The following RAPGEF5 variants were observed in gnomAD, a reference collection of about 807,000 sequenced individuals.
RAPGEF5 encodes the protein Rap guanine nucleotide exchange factor 5, also known as M-Ras-regulated GEF.
Under a neutral mutation model 125.2 loss-of-function variants are expected in RAPGEF5, and 65 were observed. That is an observed-to-expected ratio of 0.52 (90% confidence interval 0.43 to 0.64). The LOEUF is 0.64. Among genes scored for constraint, RAPGEF5 ranks in the 30% least tolerant of loss-of-function variants. RAPGEF5 has a pLI of 0.00. For synonymous variants in RAPGEF5, 391 were observed against 385.9 expected (o/e 1.01, Z -0.16); for missense variants, 958 against 1,048.1 (o/e 0.91, Z 1.19).
At chr7:22,337,964 T>C (rs751511684) in intron 1 of RAPGEF5, among the ~76,000 whole-genome samples, 1 of 152,250 alleles carries the variant, frequency 6.6e-6, no homozygotes, top group Non-Finnish European at 1.5e-5. Context: ...CTAACCCTGA[T>C]TGTTATTTTA....
chr7:22,162,290 A>T, intron 13 of RAPGEF5, 107 bp downstream of exon 13: 1 of 1,190,990 alleles, frequency 8.4e-7, no homozygotes, highest in South Asian at 1.6e-5. Context: ...CTTGACTATC[A>T]CAAGAAAGCT....
intron 10 of RAPGEF5, 181 bp downstream of exon 10, chr7:22,193,734 C>T: frequency 6.4e-7 from 1 of 1,557,582 alleles, no homozygotes; most frequent in Non-Finnish European, 8.7e-7. Flanking sequence ...TCACTGGGAA[C>T]TGAGTCCATC....
intron 12 of RAPGEF5, among the ~76,000 whole-genome samples, chr7:22,164,275 G>A (rs1357783801): frequency 2.0e-5 from 3 of 152,098 alleles, no homozygotes; most frequent in African/African-American, 7.2e-5. Flanking sequence ...AGGTTGCAGC[G>A]AGCCATGATC....
intron 7 of RAPGEF5, among the ~76,000 whole-genome samples, chr7:22,251,750 G>A (rs1786625225): frequency 8.7e-6 from 1 of 114,866 alleles, no homozygotes; most frequent in Non-Finnish European, 1.6e-5. Context: ...CATGAAAGTT[G>A]AGCCCTGCCA....
chr7:22,241,716 CT>C (rs561539460), intron 7 of RAPGEF5, among the ~76,000 whole-genome samples: 130 of 152,122 alleles, frequency 8.5e-4, no homozygotes, highest in African/African-American at 1.1e-3. Context: ...TGGTGATATG[CT>C]TTTTTGCATT....
At chr7:22,317,239 TTTC>T (rs1414780382) in intron 2 of RAPGEF5, among the ~76,000 whole-genome samples, 1 of 146,148 alleles carries the variant, frequency 6.8e-6, no homozygotes, top group Non-Finnish European at 1.5e-5. Context: ...CAACTTTTTT[TTTC>T]TTTTTTTTTT....
chr7:22,345,629 A>G (rs1331170017), intron 1 of RAPGEF5, among the ~76,000 whole-genome samples: 1 of 151,678 alleles, frequency 6.6e-6, no homozygotes, highest in Non-Finnish European at 1.5e-5. Context: ...ACACAACTGC[A>G]GTTGGGCTTT....
At chr7:22,311,170 T>A (rs547432034) in intron 3 of RAPGEF5, among the ~76,000 whole-genome samples, 1 of 152,058 alleles carries the variant, frequency 6.6e-6, no homozygotes, top group Non-Finnish European at 1.5e-5. Flanking sequence ...GGAGTACAGG[T>A]GCTCACCACT....
chr7:22,262,276 A>G (rs1483410677), intron 7 of RAPGEF5, among the ~76,000 whole-genome samples: 2 of 152,226 alleles, frequency 1.3e-5, no homozygotes, highest in African/African-American at 4.8e-5. Flanking sequence ...ACAATTCACC[A>G]AAAACAACAT....
chr7:22,188,038 C>T (rs1037934508), intron 11 of RAPGEF5, among the ~76,000 whole-genome samples: 1 of 152,206 alleles, frequency 6.6e-6, no homozygotes, highest in African/African-American at 2.4e-5. Context: ...CTGTTTATTA[C>T]ATGACCTTAC....
chr7:22,286,025 T>C (rs1782787935), intron 6 of RAPGEF5, among the ~76,000 whole-genome samples: 1 of 152,226 alleles, frequency 6.6e-6, no homozygotes, highest in African/African-American at 2.4e-5. Context: ...GAGTATCAAG[T>C]GTTTTTCTCA....
intron 1 of RAPGEF5, among the ~76,000 whole-genome samples, chr7:22,319,914 G>A (rs1277125954): frequency 6.6e-6 from 1 of 151,520 alleles, no homozygotes; most frequent in Non-Finnish European, 1.5e-5. Context: ...TGCCTTCCTG[G>A]CCATTGCCAA....
At chr7:22,341,065 G>A (rs984511893) in intron 1 of RAPGEF5, among the ~76,000 whole-genome samples, 1 of 151,758 alleles carries the variant, frequency 6.6e-6, no homozygotes, top group Admixed American at 6.6e-5. Context: ...AGAAAACCCA[G>A]TGTATTACTC....
intron 1 of RAPGEF5, among the ~76,000 whole-genome samples, chr7:22,323,948 T>C (rs1234649056): frequency 6.6e-6 from 1 of 152,106 alleles, no homozygotes; most frequent in East Asian, 1.9e-4. Flanking sequence ...TAGTAATAAA[T>C]GTTGCAGGCA....
intron 9 of RAPGEF5, among the ~76,000 whole-genome samples, chr7:22,207,336 T>G (rs7810806): frequency 0.91 from 138,980 of 152,230 alleles, 63,469 homozygotes; most frequent in East Asian, 0.99. Flanking sequence ...ATAAACTTAG[T>G]TAAAGATTTT....
intron 6 of RAPGEF5, among the ~76,000 whole-genome samples, chr7:22,270,953 T>C (rs1383577820): frequency 6.6e-6 from 1 of 152,222 alleles, no homozygotes; most frequent in Non-Finnish European, 1.5e-5. Flanking sequence ...CTTTTGTTTT[T>C]CAGAGTTTTT....
intron 7 of RAPGEF5, among the ~76,000 whole-genome samples, chr7:22,256,147 C>T (rs1005388626): frequency 1.3e-5 from 2 of 152,150 alleles, no homozygotes; most frequent in Non-Finnish European, 2.9e-5. Context: ...CTTCCCCCTG[C>T]CATTCTCCTG....
chr7:22,351,156 TTTG>T (rs770302303), intron 1 of RAPGEF5, among the ~76,000 whole-genome samples: 1 of 152,226 alleles, frequency 6.6e-6, no homozygotes, highest in Non-Finnish European at 1.5e-5. Flanking sequence ...TGTTTGTTTG[TTTG>T]TTTTTTGTAG....
intron 5 of RAPGEF5, among the ~76,000 whole-genome samples, chr7:22,306,597 A>G (rs1783347715): frequency 6.6e-6 from 1 of 152,122 alleles, no homozygotes; most frequent in Non-Finnish European, 1.5e-5. Context: ...CCATTTTTGC[A>G]TTAGTTGCCT....
Sources: gnomAD v4.1 joint callset for allele counts (sites outside exome capture counted in the v4.1 genomes callset) on GRCh38, gnomAD v4.1.1 for gene constraint, MANE v1.5 for transcripts, NCBI Gene and HGNC (gene_info 2026-07-23, HGNC 2026-07-21) for gene names.